The following APOB variants were observed in gnomAD, a reference collection of about 807,000 sequenced individuals.
APOB encodes the protein apolipoprotein B, also known as apolipoprotein B-100.
Under a neutral mutation model 314.1 loss-of-function variants are expected in APOB, and 153 were observed. That is an observed-to-expected ratio of 0.49 (90% CI 0.43 to 0.56). The LOEUF (loss-of-function observed/expected upper bound fraction) is 0.56, where lower values mean the gene tolerates loss of function less well. APOB is among the 20% of genes least tolerant of loss of function. The pLI, the probability that APOB is intolerant of heterozygous loss-of-function variation, is 0.00. For missense variants in APOB, 5,430 were observed against 5,350.7 expected (o/e 1.01, Z -0.46); for synonymous variants, 2,087 against 2,036.4 (o/e 1.02, Z -0.67).
At chr2:21,039,636 A>T (rs1454373526) in intron 4 of APOB, among the ~76,000 whole-genome samples, 1 of 152,216 alleles carries the variant, frequency 6.6e-6, no homozygotes, top group African/African-American at 2.4e-5. Context: ...TCAAAATATC[A>T]CTATGTTCTC....
chr2:21,027,799 C>A, intron 14 of APOB, 29 bp downstream of exon 14: 1 of 1,550,980 alleles, frequency 6.4e-7, no homozygotes, highest in Non-Finnish European at 8.9e-7. Context: ...ACAAAATGGG[C>A]TAGAGAACCT....
rs552383345 is a variant in APOB at position 21,031,368 on chromosome 2, G to A, written c.1352+986C>T. ...ACAGTCACAGAAAGACAAATATTGC[G>A]TGTTGTCATTTATAAGTGGGAGTGA... On this transcript the variant is annotated intron_variant, in intron 10 of 28. Transcript: ENST00000233242. Among the ~76,000 whole-genome samples, 35 of 152,328 alleles carry A rather than the reference G, an allele frequency of 2.3e-4. 1 individual carries two copies. The highest frequency in any genetic ancestry group is 5.1e-4 in the African/African-American group (21 of 41,570).
chr2:21,035,499 G>GT, intron 7 of APOB, 85 bp downstream of exon 7: 1 of 1,547,058 alleles, frequency 6.5e-7, no homozygotes, highest in South Asian at 1.1e-5. Context: ...CCAGGCACAG[G>GT]TTTGCCTGGA....
intron 20 of APOB, among the ~76,000 whole-genome samples, chr2:21,017,256 G>A (rs986582796): frequency 6.6e-6 from 1 of 152,022 alleles, no homozygotes; most frequent in Non-Finnish European, 1.5e-5. Context: ...ATTGTGTGCT[G>A]GGCACTGCTC....
At position 21,013,468 on chromosome 2, in the gene APOB, C is replaced by T; in HGVS notation, c.3908G>A (p.Gly1303Asp). The change falls in exon 25 of 29, where the codon GGT becomes GAT. Residue 1303 changes from glycine to aspartate, a missense_variant. Physicochemically the swap from Gly to Asp is moderately conservative, Grantham distance 94. Around this residue, in one of 3 missense-constraint regions of APOB, gnomAD observed 2,085 missense variants for 2,079.7 expected, o/e 1.00. Coordinates refer to ENST00000233242, the MANE Select transcript of APOB (RefSeq NM_000384.3). ...SLKIEIPLPF[G>D]GKSSRDLKML... ...CTTTAGATCTCTGGAGGATTTGCCA[C>T]CAAAAGGCAAAGGAATCTCAATTTT... 1 of 1,614,156 alleles carries T rather than the reference C, an allele frequency of 6.2e-7. No homozygotes were observed. Among genetic ancestry groups the T allele is most frequent in the Non-Finnish European group, 8.5e-7 (1 of 1,180,012 alleles).
rs267599184 is a variant in APOB, at chr2:21,010,942, C to A, written c.5926G>T (p.Glu1976Ter). 9.3e-6 allele frequency: 15 copies of A among 1,614,014 alleles called. No individual in the cohort carries two copies. The highest frequency in any genetic ancestry group is 1.0e-5 in the Non-Finnish European group (12 of 1,180,024). Residue 1976 changes from glutamate (E) to a stop codon, truncating the protein, a stop_gained, in exon 26 of 29, where the codon GAG becomes TAG. Coordinates refer to ENST00000233242, the MANE Select transcript of APOB (RefSeq NM_000384.3). LOFTEE classifies it high-confidence loss of function. ...HKVSALLTPA[E>*]QTGTWKLKTQ... ...TTGAGTTTCCAGGTGCCTGTCTGCTCAGCTGGAGTAAGCAGGGCACTGACT... is the reference window on the plus strand; with the variant it reads ...TTGAGTTTCCAGGTGCCTGTCTGCTAAGCTGGAGTAAGCAGGGCACTGACT...
At chr2:21,023,177 G>T in intron 17 of APOB, 135 bp from the exon 18 acceptor site, 1 of 873,130 alleles carries the variant, frequency 1.1e-6, no homozygotes, top group Non-Finnish European at 1.9e-6. Flanking sequence ...ACTGGGATTT[G>T]TTTGGAAGAA....
intron 3 of APOB, 136 bp from the exon 4 acceptor site, chr2:21,041,219 CACATGCCTTATCA>C (rs1664125588): frequency 9.3e-6 from 8 of 861,444 alleles, no homozygotes; most frequent in East Asian, 5.3e-5. Context: ...GCCTCAACAC[CACATGCCTTATCA>C]ACATGCCTCC....
chr2:21,013,427 T>C lies in APOB; in HGVS notation c.3949A>G (p.Arg1317Gly). ...GACTTGAAGTGGAGGGCTGGTGTCC[T>C]AACAGTCTCTAACATCTTTAGATCT... The part of the protein sequence containing the change: ...SRDLKMLETV[R>G]TPALHFKSVG... Residue 1317 changes from arginine (R) to glycine (G), a missense_variant, in exon 25 of 29, where the codon AGG becomes GGG. Physicochemically the swap from Arg to Gly is moderately radical, Grantham distance 125 (BLOSUM62 -2). This residue lies in a region of APOB where 2,085 missense variants were observed against 2,079.7 expected (regional missense o/e 1.00). Coordinates refer to ENST00000233242, the MANE Select transcript of APOB (RefSeq NM_000384.3). 6.2e-7 allele frequency: 1 copy of C among 1,614,230 alleles called. No individual in the cohort carries two copies. Among genetic ancestry groups the C allele is most frequent in the Non-Finnish European group, 8.5e-7 (1 of 1,180,038 alleles).
chr2:21,025,228 A>C (rs540313673), intron 15 of APOB, 104 bp from the exon 16 acceptor site: 2 of 1,168,112 alleles, frequency 1.7e-6, no homozygotes, highest in South Asian at 2.5e-5. Flanking sequence ...GGGCCTAAAA[A>C]ATGCTCCAGG....
intron 5 of APOB, 142 bp downstream of exon 5, chr2:21,037,816 A>G: frequency 9.6e-7 from 1 of 1,037,666 alleles, no homozygotes; most frequent in Non-Finnish European, 1.5e-6. Context: ...CTCGGGCACC[A>G]GTATTTCACG....
At position 21,010,886 on chromosome 2, in the gene APOB, C is replaced by T. The variant is rs763736255; in HGVS notation, c.5982G>A (p.Gln1994=). ...KTQFNNNEYS[Q]DLDAYNTKDK... ...CTTTAGTGTTGTAAGCATCCAAGTC[C>T]TGGCTGTATTCATTGTTGTTAAATT... Residue 1994 remains glutamine, a synonymous_variant, in exon 26 of 29, where the codon CAG becomes CAA. Coordinates refer to ENST00000233242, the MANE Select transcript of APOB (RefSeq NM_000384.3). 1.9e-6 allele frequency: 3 copies of T among 1,614,104 alleles called. No individual in the cohort carries two copies. The highest frequency in any genetic ancestry group is 2.5e-6 in the Non-Finnish European group (3 of 1,180,002).
At chr2:21,025,861 C>CA (rs1270398805) in intron 15 of APOB, among the ~76,000 whole-genome samples, 1 of 152,180 alleles carries the variant, frequency 6.6e-6, no homozygotes, top group Non-Finnish European at 1.5e-5. Context: ...CTTTGGGTAG[C>CA]AAAAAATTCA....
chr2:21,041,732 G>A (rs886406698), intron 3 of APOB, among the ~76,000 whole-genome samples: 1 of 152,158 alleles, frequency 6.6e-6, no homozygotes, highest in East Asian at 1.9e-4. Context: ...ATAGCCCAAT[G>A]TGGCTCATGT....
chr2:21,005,607 G>C lies in APOB; in HGVS notation c.11261C>G (p.Thr3754Arg). ...LVMPTFHVPF[T>R]DLQVPSCKLD... ...TTTGCACGATGGAACCTGAAGATCTGTAAATGGGACATGGAACGTAGGCAT... is the reference window on the plus strand; with the variant it reads ...TTTGCACGATGGAACCTGAAGATCTCTAAATGGGACATGGAACGTAGGCAT... The change falls in exon 26 of 29, where the codon ACA becomes AGA. Residue 3754 changes from threonine (T) to arginine (R), a missense_variant. Physicochemically the swap from Thr to Arg is moderately conservative, Grantham distance 71. Transcript: ENST00000233242. The C allele has an allele frequency of 6.2e-7, 1 of 1,614,016 alleles. No individual in the cohort carries two copies. Among genetic ancestry groups the C allele is most frequent in the Non-Finnish European group, 8.5e-7 (1 of 1,179,948 alleles).
At chr2:21,023,437 G>A (rs975192733) in intron 17 of APOB, 88 bp downstream of exon 17, 2 of 1,478,774 alleles carry the variant, frequency 1.4e-6, no homozygotes, top group African/African-American at 1.4e-5. Context: ...TCTTGAAGTG[G>A]AAACACATTT....
chr2:21,015,984 A>G (rs909713184), intron 21 of APOB, among the ~76,000 whole-genome samples: 4 of 152,206 alleles, frequency 2.6e-5, no homozygotes, highest in Admixed American at 6.5e-5. Flanking sequence ...GGACATGCGC[A>G]GAGGGTTAAA....
At chr2:21,019,140 CATA>C (rs1407045736) in intron 19 of APOB, 27 bp from the exon 20 acceptor site, 17 of 1,613,722 alleles carry the variant, frequency 1.1e-5, no homozygotes, top group Non-Finnish European at 1.4e-5. Flanking sequence ...GAAGACAGTG[CATA>C]ATGTTAGAGC....
At position 21,006,484 on chromosome 2, in the gene APOB, A is replaced by T; in HGVS notation, c.10384T>A (p.Tyr3462Asn). The change falls in exon 26 of 29, where the codon TAT becomes AAT. Residue 3462 changes from tyrosine to asparagine, a missense_variant. Physicochemically the swap from Tyr to Asn is moderately radical, Grantham distance 143 (BLOSUM62 -2). Coordinates refer to ENST00000233242, the MANE Select transcript of APOB (RefSeq NM_000384.3). ...TACAGCATTGAAGAATTGAAATCAT[A>T]CTTAAATTCCATGGAGGAAGAGACA... ...PTVSSSMEFK[Y>N]DFNSSMLYST... 1.2e-6 allele frequency: 2 copies of T among 1,614,088 alleles called. No homozygotes were observed. The highest frequency in any genetic ancestry group is 1.7e-6 in the Non-Finnish European group (2 of 1,179,944).
Sources: gnomAD v4.1 joint callset for allele counts (sites outside exome capture counted in the v4.1 genomes callset) on GRCh38, gnomAD v4.1.1 for gene constraint, gnomAD v4.1.1 regional missense constraint, MANE v1.5 for transcripts, NCBI Gene and HGNC (gene_info 2026-07-23, HGNC 2026-07-21) for gene names.